Variants in TLDC2 observed in about 807,000 individuals in gnomAD.
TLDC2 encodes the protein TLD domain-containing protein 2.
Under a neutral mutation model 27.9 loss-of-function variants are expected in TLDC2, and 23 were observed. The observed-to-expected ratio is 0.82, with a 90% confidence interval of 0.59 to 1.17. The LOEUF (loss-of-function observed/expected upper bound fraction) is 1.17, where lower values mean the gene tolerates loss of function less well. TLDC2 is among the 50% of genes most tolerant of loss of function. The pLI, the probability that TLDC2 is intolerant of heterozygous loss-of-function variation, is 0.00. For synonymous variants in TLDC2, 124 were observed against 107.4 expected (o/e 1.16, Z -0.96); for missense variants, 286 against 273.4 (o/e 1.05, Z -0.32).
At position 36,893,888 on chromosome 20, in the gene TLDC2, G is replaced by A; in HGVS notation, c.*1044G>A. 1 of 398,648 alleles carries A rather than the reference G, an allele frequency of 2.5e-6. No individual in the cohort carries two copies. The highest frequency in any genetic ancestry group is 4.4e-6 in the Non-Finnish European group (1 of 226,094). The allele number at this position is 398,648 out of a possible 1,614,324, so 24.7% of individuals were successfully genotyped here. On this transcript the variant is annotated 3_prime_UTR_variant, in exon 7 of 7. Transcript: ENST00000217320. ...CATTTCTCAGCTCCCATGCCTGTTG[G>A]TTTCCAGTTAGATTTGGTCAGTGGG...
At chr20:36,884,875 C>CTTTTTTTT (rs11480944) in intron 4 of TLDC2, among the ~76,000 whole-genome samples, 3 of 103,228 alleles carry the variant, frequency 2.9e-5, no homozygotes, top group Non-Finnish European at 5.4e-5. Context: ...CACAGAAATT[C>CTTTTTTTT]TTTTTTTTTT....
In TLDC2 at chr20:36,887,583, C is replaced by T; in HGVS notation, c.512+55C>T. The T allele has an allele frequency of 3.9e-6, 6 of 1,535,092 alleles. No individual in the cohort carries two copies. The East Asian group carries it at 1.3e-4, about 35-fold the overall frequency. On this transcript the variant is annotated intron_variant, in intron 5 of 6. Coordinates refer to ENST00000217320, the MANE Select transcript of TLDC2 (RefSeq NM_080628.3). ...GGCGGTCTGTGTTCTGGTCCCTTTCCCTCTGCCGAACTGCTGGGCTAGGCT... is the reference window on the plus strand; with the variant it reads ...GGCGGTCTGTGTTCTGGTCCCTTTCTCTCTGCCGAACTGCTGGGCTAGGCT...
intron 3 of TLDC2, among the ~76,000 whole-genome samples, chr20:36,880,086 T>TATAC (rs1445800728): frequency 2.2e-5 from 1 of 45,576 alleles, no homozygotes; most frequent in Non-Finnish European, 6.4e-5. Flanking sequence ...TATATATATA[T>TATAC]ATATATATAT....
intron 4 of TLDC2, among the ~76,000 whole-genome samples, chr20:36,883,139 CTT>C (rs199970135): frequency 1.4e-5 from 2 of 144,022 alleles, no homozygotes; most frequent in Non-Finnish European, 1.5e-5. Flanking sequence ...CATGGCGTTT[CTT>C]TTTTTTTTTT....
intron 4 of TLDC2, among the ~76,000 whole-genome samples, chr20:36,885,143 T>G (rs1181719965): frequency 6.6e-6 from 1 of 152,068 alleles, no homozygotes; most frequent in South Asian, 2.1e-4. Flanking sequence ...TCCCAGAGTG[T>G]TGGGATTACA....
chr20:36,877,205 C>A (rs1989689727), intron 1 of TLDC2, among the ~76,000 whole-genome samples: 2 of 151,824 alleles, frequency 1.3e-5, no homozygotes, highest in South Asian at 4.2e-4. Flanking sequence ...ACAGGAGGAA[C>A]CCGTGTCTCT....
chr20:36,883,559 G>A (rs769474412), intron 4 of TLDC2, among the ~76,000 whole-genome samples: 12 of 152,134 alleles, frequency 7.9e-5, no homozygotes, highest in Non-Finnish European at 1.3e-4. Flanking sequence ...CCGCTGCTGA[G>A]ACAGAAAATC....
At chr20:36,881,681 T>G (rs1601097394) in intron 4 of TLDC2, among the ~76,000 whole-genome samples, 5 of 141,006 alleles carry the variant, frequency 3.5e-5, no homozygotes, top group South Asian at 2.3e-4. Context: ...TTGAAGGGAG[T>G]GAAAATACAA....
At chr20:36,882,743 G>A (rs1364744104) in intron 4 of TLDC2, among the ~76,000 whole-genome samples, 2 of 152,142 alleles carry the variant, frequency 1.3e-5, no homozygotes, top group African/African-American at 4.8e-5. Flanking sequence ...AGCTGGAGGG[G>A]CTCCATCGAG....
intron 1 of TLDC2, 139 bp downstream of exon 1, chr20:36,876,346 G>A: frequency 8.5e-7 from 1 of 1,173,046 alleles, no homozygotes; most frequent in Non-Finnish European, 1.3e-6. Context: ...CAGGCCTGTG[G>A]TTTGGAGCAA....
chr20:36,887,652 T>G, intron 5 of TLDC2, 124 bp downstream of exon 5: 1 of 886,948 alleles, frequency 1.1e-6, no homozygotes, highest in Non-Finnish European at 1.8e-6. Context: ...TCTCAGGCCG[T>G]TCCCCTCATT....
chr20:36,881,539 T>C (rs1028020413), intron 4 of TLDC2, among the ~76,000 whole-genome samples: 1 of 152,046 alleles, frequency 6.6e-6, no homozygotes. Flanking sequence ...GCTTGGGTTG[T>C]GAGGTTAGGA....
chr20:36,878,180 C>G (rs1384654400), intron 2 of TLDC2, 126 bp downstream of exon 2: 20 of 1,078,646 alleles, frequency 1.9e-5, no homozygotes, highest in Non-Finnish European at 2.6e-5. Context: ...CATGCGTTAC[C>G]TCCGGCAAAT....
At position 36,893,075 on chromosome 20, in the gene TLDC2, AAG is replaced by A. The variant is rs774995485; in HGVS notation, c.*239_*240del. ...GCTATAACATCGCCATCCTATTAGG[AAG>A]AGAGAGAAAAACAGGCAATAGAGAA... On this transcript the variant is annotated 3_prime_UTR_variant, in exon 7 of 7. Coordinates refer to ENST00000217320, the MANE Select transcript of TLDC2 (RefSeq NM_080628.3). 2.9e-5 allele frequency: 47 copies of A among 1,612,096 alleles called. No homozygotes were observed. Among genetic ancestry groups the A allele is most frequent in the Non-Finnish European group, 3.7e-5 (44 of 1,180,008 alleles).
chr20:36,881,731 G>A (rs1989820924), intron 4 of TLDC2, among the ~76,000 whole-genome samples: 1 of 152,170 alleles, frequency 6.6e-6, no homozygotes, highest in African/African-American at 2.4e-5. Flanking sequence ...GAGGGGAGGG[G>A]AGAGAAGCGG....
intron 4 of TLDC2, among the ~76,000 whole-genome samples, chr20:36,882,205 G>A (rs1269159603): frequency 1.3e-5 from 2 of 152,128 alleles, no homozygotes; most frequent in Non-Finnish European, 2.9e-5. Context: ...TAAAGCTATT[G>A]AGCAGTACCT....
At chr20:36,892,668 T>C (rs1317977397) in intron 6 of TLDC2, 194 bp from the exon 7 acceptor site, 2 of 511,628 alleles carry the variant, frequency 3.9e-6, no homozygotes, top group African/African-American at 3.9e-5. Flanking sequence ...GATAAAAGAG[T>C]TGTTATTCTA....
chr20:36,883,035 C>T (rs1021197865), intron 4 of TLDC2, among the ~76,000 whole-genome samples: 4 of 152,156 alleles, frequency 2.6e-5, no homozygotes, highest in Non-Finnish European at 5.9e-5. Context: ...ATTCCCACAG[C>T]TCTCCATGCT....
Position 36,880,730 on chromosome 20 carries a change from TC to T in TLDC2, c.420del (p.Phe141SerfsTer5). On this transcript the variant is annotated frameshift_variant, in exon 4 of 7. Coordinates refer to ENST00000217320, the MANE Select transcript of TLDC2 (RefSeq NM_080628.3). LOFTEE classifies it high-confidence loss of function. ...FYGTGETFLF[S>X]FSPQLKVFKW... is the part of the protein sequence containing the mutation. ...TGGTACTGGCGAGACATTCCTCTTC[TC>T]CTTCTCCCCACAGCTGAAGGTGATG... 6.2e-7 allele frequency: 1 copy of T among 1,612,734 alleles called. No homozygotes were observed. The highest frequency in any genetic ancestry group is 1.4e-5 in the African/African-American group (1 of 73,798).
Sources: allele counts gnomAD v4.1 joint callset (sites outside exome capture counted in the v4.1 genomes callset), GRCh38; gene constraint gnomAD v4.1.1; transcripts MANE v1.5; gene names NCBI Gene and HGNC (gene_info 2026-07-23, HGNC 2026-07-21).